The following DARS1 variants were observed in gnomAD, a reference collection of about 807,000 sequenced individuals.
DARS1 encodes the protein aspartyl-tRNA synthetase 1.
Under a neutral mutation model 68.8 loss-of-function variants are expected in DARS1, and 51 were observed. The ratio of observed to expected loss-of-function variants is 0.74; its 90% CI spans 0.59 to 0.94. DARS1 has a LOEUF of 0.94. Ranked by LOEUF, DARS1 falls within the 40% of genes least tolerant of loss-of-function variation. The pLI is 0.00. For missense variants in DARS1, 607 were observed against 597.3 expected (o/e 1.02, Z -0.17); for synonymous variants, 203 against 190.4 (o/e 1.07, Z -0.55).
chr2:135,959,044 C>T (rs1409548267), intron 4 of DARS1, among the ~76,000 whole-genome samples: 1 of 151,730 alleles, frequency 6.6e-6, no homozygotes, highest in Non-Finnish European at 1.5e-5. Context: ...AGTTCCACTT[C>T]AGGAATTAAA....
intron 5 of DARS1, among the ~76,000 whole-genome samples, chr2:135,935,493 G>A (rs1457018581): frequency 3.9e-5 from 6 of 151,966 alleles, no homozygotes; most frequent in African/African-American, 1.5e-4. Flanking sequence ...CCAGCTACTC[G>A]GGAGGCTGAG....
At chr2:135,907,975 T>C (rs1369425125) in intron 15 of DARS1, among the ~76,000 whole-genome samples, 5 of 152,170 alleles carry the variant, frequency 3.3e-5, no homozygotes, top group East Asian at 3.8e-4. Flanking sequence ...ATTGATTCTA[T>C]GTAGAGATGT....
intron 3 of DARS1, among the ~76,000 whole-genome samples, chr2:135,976,761 C>A (rs1480069350): frequency 7.1e-6 from 1 of 140,374 alleles, no homozygotes; most frequent in Admixed American, 7.4e-5. Context: ...TTGGGATGCT[C>A]AGCCAGTAAT....
At chr2:135,933,831 C>T (rs941550837) in intron 6 of DARS1, 79 bp downstream of exon 6, 6 of 1,510,358 alleles carry the variant, frequency 4.0e-6, no homozygotes, top group African/African-American at 1.4e-5. Flanking sequence ...TCACAGACAC[C>T]CTTAGTACAT....
chr2:135,972,432 ATGAAT>A (rs1164791553), intron 3 of DARS1, among the ~76,000 whole-genome samples: 1 of 152,228 alleles, frequency 6.6e-6, no homozygotes, highest in African/African-American at 2.4e-5. Flanking sequence ...ATCAATCACA[ATGAAT>A]TGAAGACTTA....
At chr2:135,952,413 G>A (rs1053538806) in intron 4 of DARS1, among the ~76,000 whole-genome samples, 1 of 152,024 alleles carries the variant, frequency 6.6e-6, no homozygotes, top group African/African-American at 2.4e-5. Flanking sequence ...ACTTCCTTGT[G>A]GTGAGAACTT....
At chr2:135,962,717 T>G (rs1682127232) in intron 3 of DARS1, among the ~76,000 whole-genome samples, 1 of 152,114 alleles carries the variant, frequency 6.6e-6, no homozygotes, top group Admixed American at 6.5e-5. Flanking sequence ...GATGATCCAG[T>G]CACAAAGTAA....
chr2:135,934,795 ATTTTTTT>A (rs1014128109), intron 5 of DARS1, among the ~76,000 whole-genome samples: 6 of 138,440 alleles, frequency 4.3e-5, no homozygotes, highest in African/African-American at 1.6e-4. Context: ...ACTTGCTATC[ATTTTTTT>A]TTTTTTTTTT....
chr2:135,948,635 C>T (rs1271390545), intron 4 of DARS1, among the ~76,000 whole-genome samples: 2 of 152,026 alleles, frequency 1.3e-5, no homozygotes, highest in African/African-American at 4.8e-5. Flanking sequence ...GAGGCCAGGG[C>T]GGGTGGATCA....
At chr2:135,934,576 C>T (rs917227358) in intron 5 of DARS1, among the ~76,000 whole-genome samples, 36 of 151,682 alleles carry the variant, frequency 2.4e-4, no homozygotes, top group Admixed American at 2.3e-3. Flanking sequence ...GAGCCAAGAT[C>T]GCACCACTGC....
intron 3 of DARS1, among the ~76,000 whole-genome samples, chr2:135,977,588 A>G (rs1682529440): frequency 6.6e-6 from 1 of 152,238 alleles, no homozygotes; most frequent in Non-Finnish European, 1.5e-5. Flanking sequence ...ATGAAGGATT[A>G]TAATACAATG....
chr2:135,958,643 T>G (rs551506380), intron 4 of DARS1, among the ~76,000 whole-genome samples: 1 of 152,298 alleles, frequency 6.6e-6, no homozygotes, highest in East Asian at 1.9e-4. Context: ...GAAAATTATC[T>G]TAACCAACTA....
chr2:135,917,969 G>A, intron 10 of DARS1, among the ~76,000 whole-genome samples: 1 of 152,016 alleles, frequency 6.6e-6, no homozygotes. Context: ...GCCCAGGCTG[G>A]AGTGCAGTGG....
At chr2:135,918,598 T>A (rs553327932) in intron 10 of DARS1, among the ~76,000 whole-genome samples, 1 of 152,180 alleles carries the variant, frequency 6.6e-6, no homozygotes, top group African/African-American at 2.4e-5. Flanking sequence ...AGTAATGGCG[T>A]TTGAGTCTAA....
chr2:135,915,788 T>C (rs1680992019), intron 11 of DARS1, among the ~76,000 whole-genome samples: 1 of 152,140 alleles, frequency 6.6e-6, no homozygotes, highest in South Asian at 2.1e-4. Flanking sequence ...CTACCTTCTC[T>C]AATACCACTA....
intron 3 of DARS1, among the ~76,000 whole-genome samples, chr2:135,972,541 C>A (rs1044334482): frequency 6.6e-6 from 1 of 152,156 alleles, no homozygotes; most frequent in Non-Finnish European, 1.5e-5. Context: ...TAATACTCCA[C>A]AAGCACAGGC....
intron 7 of DARS1, among the ~76,000 whole-genome samples, chr2:135,927,211 C>T (rs1490856892): frequency 2.0e-5 from 3 of 152,072 alleles, no homozygotes; most frequent in Non-Finnish European, 2.9e-5. Flanking sequence ...TCCAACTTAT[C>T]AGTAAGATTA....
chr2:135,938,108 G>A (rs1435019306), intron 5 of DARS1, among the ~76,000 whole-genome samples: 2 of 152,134 alleles, frequency 1.3e-5, no homozygotes, highest in South Asian at 2.1e-4. Context: ...CATTCTCCCT[G>A]TCACTTTCAG....
chr2:135,919,252 A>C (rs1049048630), intron 10 of DARS1, among the ~76,000 whole-genome samples: 4 of 151,750 alleles, frequency 2.6e-5, no homozygotes, highest in Non-Finnish European at 5.9e-5. Context: ...GTCGGTCTTG[A>C]ACTTCTGACC....
Sources: gnomAD v4.1 joint callset for allele counts (sites outside exome capture counted in the v4.1 genomes callset) on GRCh38, gnomAD v4.1.1 for gene constraint, MANE v1.5 for transcripts, NCBI Gene and HGNC (gene_info 2026-07-23, HGNC 2026-07-21) for gene names.